The following MYO15B variants were observed in gnomAD, a reference collection of about 807,000 sequenced individuals.
MYO15B encodes the protein myosin XVB pseudogene.
A neutral mutation model predicts 119.3 loss-of-function variants in MYO15B; 207 were observed. The observed-to-expected ratio is 1.73, with a 90% CI of 1.55 to 1.95. The LOEUF (loss-of-function observed/expected upper bound fraction) is 1.95. Among genes scored for constraint, MYO15B ranks in the 30% most tolerant of loss-of-function variants. The pLI is 0.00. For synonymous variants in MYO15B, 966 were observed against 498.9 expected (o/e 1.94, Z -12.48); for missense variants, 2,264 against 1,203.1 (o/e 1.88, Z -13.04).
In MYO15B at chr17:75,588,173, G is replaced by A. The variant is rs532717828; in HGVS notation, c.116G>A (p.Arg39His). Residue 39 changes from arginine (R) to histidine (H), a missense_variant, in exon 1 of 64, where the codon CGT (arginine) becomes CAT (histidine). By Grantham distance (29) the Arg-to-His change is conservative. Coordinates refer to ENST00000645453, the Ensembl canonical transcript of MYO15B. ...GATGGCGCGCCCAGCCGGGAACGCCGTTCCGACCGCGGGCAGGCGGACAGG... is the reference window on the plus strand; with the variant it reads ...GATGGCGCGCCCAGCCGGGAACGCCATTCCGACCGCGGGCAGGCGGACAGG... 3.5e-4 allele frequency: 140 copies of A among 398,024 alleles called. 1 individual carries two copies. In the East Asian group the frequency reaches 4.8e-3, roughly 14 times the overall value. The allele number at this position is 398,024 out of a possible 1,614,324, so 24.7% of individuals were successfully genotyped here.
At chr17:75,596,367 C>T in intron 12 of MYO15B, 93 bp from the exon 13 acceptor site, 1 of 673,624 alleles carries the variant, frequency 1.5e-6, no homozygotes, top group South Asian at 1.6e-5. Context: ...CTGGGTATTA[C>T]TCATCCCTGC....
At position 75,621,024 on chromosome 17, in the gene MYO15B, A is replaced by C. The variant is rs820182; in HGVS notation, c.7726-7A>C. 0.34 allele frequency: 241,508 copies of C among 702,592 alleles called. 43,012 individuals are homozygous for C. The highest frequency in any genetic ancestry group is 0.43 in the Middle Eastern group (1,878 of 4,370). The allele number at this position is 702,592 out of a possible 1,614,324, so 43.5% of individuals were successfully genotyped here. A position where few individuals can be genotyped will look rare whatever the true frequency, so the allele number is the denominator to read the frequency against. On this transcript the variant is annotated splice_polypyrimidine_tract_variant and splice_region_variant and intron_variant, in intron 49 of 63. Coordinates refer to ENST00000645453, the Ensembl canonical transcript of MYO15B. ...CTCAGGTGGCACCAGGTTTCTTGTG[A>C]TCCCAGCGCCCTGCCCACCCTTGGA...
intron 12 of MYO15B, among the ~76,000 whole-genome samples, chr17:75,595,205 A>T (rs561809950): frequency 3.3e-5 from 5 of 152,288 alleles, no homozygotes; most frequent in African/African-American, 1.2e-4. Flanking sequence ...TCTCTCAAGG[A>T]CTAGGGCTGT....
chr17:75,625,175 C>T (rs552251165), exon 60 of MYO15B: 24 of 702,538 alleles, frequency 3.4e-5, no homozygotes, highest in East Asian at 2.4e-4. Context: ...AAGGCAGACG[C>T]GCAGCTCGCC....
At chr17:75,617,489 C>T (rs1363721734) in intron 41 of MYO15B, 185 bp downstream of exon 41, 2 of 556,930 alleles carry the variant, frequency 3.6e-6, no homozygotes, top group Non-Finnish European at 6.3e-6. Context: ...CAGGGCAGGG[C>T]CTGGGCATCT....
At chr17:75,612,465 G>C (rs1473952453) in intron 25 of MYO15B, among the ~76,000 whole-genome samples, 3 of 152,132 alleles carry the variant, frequency 2.0e-5, no homozygotes, top group African/African-American at 7.2e-5. Context: ...CTGAGGTCAG[G>C]AGTTTGAGAC....
chr17:75,597,012 C>G (rs1196549474), intron 14 of MYO15B, 113 bp downstream of exon 14: 20 of 595,220 alleles, frequency 3.4e-5, no homozygotes, highest in African/African-American at 5.6e-5. Flanking sequence ...TGGGATCCAG[C>G]GACCCTGATC....
Position 75,590,256 on chromosome 17 carries a change from G to T in MYO15B, c.2186+13G>T, listed in dbSNP as rs748743776. The T allele has an allele frequency of 5.0e-6, 2 of 398,960 alleles. No homozygotes were observed. The highest frequency in any genetic ancestry group is 4.1e-5 in the African/African-American group (2 of 48,632). The allele number at this position is 398,960 out of a possible 1,614,324, so 24.7% of individuals were successfully genotyped here. On this transcript the variant is annotated intron_variant, in intron 1 of 63. Transcript: ENST00000645453. The stretch of plus-strand genomic sequence containing the variant: ...TGGCGCGGTTGCGGTTAGCGGGCGC[G>T]GTGCCAAAGCTGCCATCCCCGGCTC...
intron 21 of MYO15B, among the ~76,000 whole-genome samples, chr17:75,609,011 C>T (rs779510337): frequency 2.6e-5 from 4 of 151,968 alleles, no homozygotes; most frequent in Non-Finnish European, 4.4e-5. Context: ...GGATTATAGG[C>T]GTGAGCCACC....
chr17:75,620,319 A>T (rs2058633967), exon 48 of MYO15B: 1 of 702,556 alleles, frequency 1.4e-6, no homozygotes, highest in African/African-American at 1.8e-5. Flanking sequence ...CACCGTGGGG[A>T]CCTCATCAAG....
chr17:75,616,959 C>G (rs759128958), exon 40 of MYO15B: 1 of 702,934 alleles, frequency 1.4e-6, no homozygotes, highest in South Asian at 1.5e-5. Context: ...CTCGTCCCCG[C>G]CGGTGAGCAC....
intron 14 of MYO15B, among the ~76,000 whole-genome samples, chr17:75,599,100 G>A (rs1157224574): frequency 1.3e-5 from 2 of 152,202 alleles, no homozygotes; most frequent in East Asian, 3.9e-4. Context: ...GTCTCCCTAT[G>A]TTGCCCAGGC....
At position 75,589,728 on chromosome 17, in the gene MYO15B, GAGC is replaced by G. The variant is rs2056317950; in HGVS notation, c.1675_1677del (p.Ser559del). 2.5e-6 allele frequency: 1 copy of G among 398,714 alleles called. No homozygotes were observed. The highest frequency in any genetic ancestry group is 4.4e-5 in the Admixed American group (1 of 22,736). 24.7% of individuals were successfully genotyped at this position (398,714 alleles called of 1,614,324 possible). On this transcript the variant is annotated inframe_deletion, in exon 1 of 64. Transcript: ENST00000645453. This position sits in a 1 kb window ranked among gnomAD's most constrained non-coding sequence, Gnocchi z 4.2. ...GGATCCACAGGGCAGGGCGGGCGTC[GAGC>G]AGCCGCAGCTCTGAAGAAGCGTCCG...
exon 24 of MYO15B, chr17:75,611,654 G>A (rs773159851): frequency 2.1e-5 from 15 of 702,640 alleles, no homozygotes; most frequent in South Asian, 7.4e-5. Context: ...TGAAGACGGC[G>A]GAAAGTGAGT....
intron 49 of MYO15B, 196 bp from the exon 50 acceptor site, chr17:75,620,835 G>A: frequency 1.4e-6 from 1 of 701,968 alleles, no homozygotes; most frequent in East Asian, 2.7e-5. Context: ...CAGGGGCTGG[G>A]CTGGATGCTG....
At chr17:75,588,237 G>C (rs930550007) in exon 1 of MYO15B, 1 of 398,196 alleles carries the variant, frequency 2.5e-6, no homozygotes, top group Non-Finnish European at 4.4e-6. Context: ...CCGGGGGCCA[G>C]GGAACCCCTG....
In MYO15B at chr17:75,610,977, TG is replaced by T. The variant is rs1219881983; in HGVS notation, c.4446+24del. 4.3e-6 allele frequency: 3 copies of T among 702,546 alleles called. No individual in the cohort carries two copies. The highest frequency in any genetic ancestry group is 7.8e-6 in the Non-Finnish European group (3 of 384,906). 43.5% of individuals were successfully genotyped at this position (702,546 alleles called of 1,614,324 possible). A position where few individuals can be genotyped will look rare whatever the true frequency, so the allele number is the denominator to read the frequency against. Reference sequence around the variant, plus strand: ...CAAGCATGGTAGGTGGCCTGGAAAGTGGGGGGTTTTACATGGGGCTATGAAC... The same window carrying T: ...CAAGCATGGTAGGTGGCCTGGAAAGTGGGGGTTTTACATGGGGCTATGAAC... On this transcript the variant is annotated intron_variant, in intron 23 of 63. Coordinates refer to ENST00000645453, the Ensembl canonical transcript of MYO15B.
exon 34 of MYO15B, chr17:75,615,294 C>G (rs2058297894): frequency 2.8e-6 from 2 of 702,642 alleles, no homozygotes; most frequent in Non-Finnish European, 5.2e-6. Flanking sequence ...GTCCCTGCAC[C>G]CATGCCCATG....
rs141809588 is a variant in MYO15B at position 75,620,387 on chromosome 17, C to T, written c.7555+30C>T. The T allele has an allele frequency of 6.7e-3, 4,742 of 702,874 alleles. 45 individuals are homozygous for T. Among genetic ancestry groups the T allele is most frequent in the Non-Finnish European group, 9.4e-3 (3,620 of 384,990 alleles). 43.5% of individuals were successfully genotyped at this position (702,874 alleles called of 1,614,324 possible). On this transcript the variant is annotated intron_variant, in intron 48 of 63. Coordinates refer to ENST00000645453, the Ensembl canonical transcript of MYO15B. ...CGCCAGAGGCCGGCAGGGGCTCACA[C>T]AGGGAGGGCATCCACTTGGCAGAGG... is the stretch of plus-strand genomic sequence containing the variant.
Sources: gnomAD v4.1 joint callset for allele counts (sites outside exome capture counted in the v4.1 genomes callset) on GRCh38, gnomAD v4.1.1 for gene constraint, Gnocchi (gnomAD v3.1) non-coding constraint, MANE v1.5 for transcripts, NCBI Gene and HGNC (gene_info 2026-07-23, HGNC 2026-07-21) for gene names.